The following DNAJC1 variants were observed in gnomAD, a reference collection of about 807,000 sequenced individuals.
DNAJC1 encodes the protein DnaJ heat shock protein family (Hsp40) member C1, also known as dnaJ homolog subfamily C member 1.
A neutral mutation model predicts 76.6 loss-of-function variants in DNAJC1; 58 were observed. That is an observed-to-expected ratio of 0.76 (90% CI 0.61 to 0.94). DNAJC1 has a LOEUF of 0.94. Among genes scored for constraint, DNAJC1 ranks in the 40% least tolerant of loss-of-function variants. The pLI is 0.00. For missense variants in DNAJC1, 689 were observed against 677.3 expected (o/e 1.02, Z -0.19); for synonymous variants, 258 against 267.9 (o/e 0.96, Z 0.36).
intron 1 of DNAJC1, among the ~76,000 whole-genome samples, chr10:21,982,320 A>G (rs892930212): frequency 2.0e-5 from 3 of 152,206 alleles, no homozygotes; most frequent in Admixed American, 1.3e-4. Flanking sequence ...TATATGGGAA[A>G]AAACTTCATG....
chr10:22,003,706 G>T lies in DNAJC1; in HGVS notation c.-272C>A. 2 of 352,114 alleles carry T rather than the reference G, an allele frequency of 5.7e-6. No individual in the cohort carries two copies. Among genetic ancestry groups the T allele is most frequent in the Non-Finnish European group, 1.0e-5 (2 of 198,026 alleles). 21.8% of individuals were successfully genotyped at this position (352,114 alleles called of 1,614,324 possible). A position where few individuals can be genotyped will look rare whatever the true frequency, so the allele number is the denominator to read the frequency against. ...AGGCCTACACACAGCTGTAGAGGCA[G>T]CGCCCGGCGCCTGGGCTGCACAGTG... On this transcript the variant is annotated 5_prime_UTR_variant, in exon 1 of 12. The change creates a new upstream start codon in the 5' untranslated region. Coordinates refer to ENST00000376980, the MANE Select transcript of DNAJC1 (RefSeq NM_022365.4).
intron 8 of DNAJC1, among the ~76,000 whole-genome samples, chr10:21,838,504 C>G (rs1304318135): frequency 1.3e-5 from 2 of 152,194 alleles, no homozygotes; most frequent in Non-Finnish European, 2.9e-5. Context: ...GCAGGGTCCT[C>G]TGCCTAGGAA....
intron 10 of DNAJC1, among the ~76,000 whole-genome samples, chr10:21,765,184 T>C (rs1170891022): frequency 1.3e-5 from 2 of 152,220 alleles, no homozygotes; most frequent in Non-Finnish European, 2.9e-5. Context: ...AATTTCCTCT[T>C]GCTAAAGCCT....
intron 7 of DNAJC1, 24 bp downstream of exon 7, chr10:21,904,498 A>C: frequency 7.2e-7 from 1 of 1,392,294 alleles, no homozygotes; most frequent in South Asian, 1.4e-5. Context: ...TGACATTGTT[A>C]AAACACTAAT....
At chr10:21,882,591 C>A (rs958416682) in intron 7 of DNAJC1, 152 bp from the exon 8 acceptor site, 1 of 548,622 alleles carries the variant, frequency 1.8e-6, no homozygotes, top group East Asian at 3.5e-5. Context: ...TGTACATAAA[C>A]CATTGCATTG....
intron 8 of DNAJC1, among the ~76,000 whole-genome samples, chr10:21,825,318 C>G (rs1236450144): frequency 1.3e-5 from 2 of 152,144 alleles, no homozygotes; most frequent in Non-Finnish European, 2.9e-5. Context: ...ATCATGTGGC[C>G]CTTTGCTTCT....
chr10:21,963,843 CTTTT>C (rs1469243601), intron 1 of DNAJC1, among the ~76,000 whole-genome samples: 1 of 151,922 alleles, frequency 6.6e-6, no homozygotes, highest in Non-Finnish European at 1.5e-5. Context: ...GGTCTTTTTG[CTTTT>C]TTGTTTCTAT....
At chr10:21,905,481 A>G (rs1361904033) in intron 6 of DNAJC1, among the ~76,000 whole-genome samples, 1 of 152,108 alleles carries the variant, frequency 6.6e-6, no homozygotes, top group Non-Finnish European at 1.5e-5. Flanking sequence ...TCTGGCTACA[A>G]TATTGTACTT....
chr10:21,829,217 TTTTG>T (rs1417597505), intron 8 of DNAJC1, among the ~76,000 whole-genome samples: 1 of 151,252 alleles, frequency 6.6e-6, no homozygotes, highest in Admixed American at 6.6e-5. Flanking sequence ...TGTTGTTCGT[TTTTG>T]TTTTTTTTTT....
chr10:21,984,394 C>G (rs879525155), intron 1 of DNAJC1, among the ~76,000 whole-genome samples: 42 of 152,192 alleles, frequency 2.8e-4, no homozygotes, highest in African/African-American at 9.9e-4. Flanking sequence ...TTCTGAAGGT[C>G]ACTTCAAGTT....
At chr10:21,884,445 A>T (rs1466843251) in intron 7 of DNAJC1, among the ~76,000 whole-genome samples, 1 of 152,198 alleles carries the variant, frequency 6.6e-6, no homozygotes, top group African/African-American at 2.4e-5. Context: ...GCTACTTCTA[A>T]ATTGGTGGAG....
intron 1 of DNAJC1, among the ~76,000 whole-genome samples, chr10:21,969,688 G>A (rs993366849): frequency 1.3e-5 from 2 of 152,172 alleles, no homozygotes; most frequent in Non-Finnish European, 2.9e-5. Context: ...AGCATTGGCA[G>A]TATGTTTTCT....
chr10:21,993,424 A>G (rs1160492969), intron 1 of DNAJC1, among the ~76,000 whole-genome samples: 2 of 152,218 alleles, frequency 1.3e-5, no homozygotes, highest in Non-Finnish European at 2.9e-5. Context: ...GCATGCTTGC[A>G]GCACACCAAT....
intron 1 of DNAJC1, among the ~76,000 whole-genome samples, chr10:21,955,220 T>C (rs990199381): frequency 6.6e-6 from 1 of 152,212 alleles, no homozygotes; most frequent in Non-Finnish European, 1.5e-5. Flanking sequence ...TGATAAACAA[T>C]TTACCTGAAA....
chr10:21,934,229 A>AC (rs1837274793), intron 1 of DNAJC1, among the ~76,000 whole-genome samples: 1 of 151,850 alleles, frequency 6.6e-6, no homozygotes, highest in South Asian at 2.1e-4. Context: ...AAAAAAAAAA[A>AC]ACTAAATAAT....
At chr10:21,854,337 A>G (rs1301948387) in intron 8 of DNAJC1, among the ~76,000 whole-genome samples, 1 of 142,662 alleles carries the variant, frequency 7.0e-6, no homozygotes, top group Non-Finnish European at 1.5e-5. Context: ...TATCAGATAC[A>G]AATGTGGATC....
intron 8 of DNAJC1, among the ~76,000 whole-genome samples, chr10:21,862,421 T>C (rs1340447406): frequency 1.3e-5 from 2 of 150,330 alleles, no homozygotes; most frequent in African/African-American, 5.0e-5. Context: ...TACCATCTGT[T>C]ACTACATTTT....
chr10:21,871,030 GTTTA>G (rs2131708752), intron 8 of DNAJC1, among the ~76,000 whole-genome samples: 1 of 152,146 alleles, frequency 6.6e-6, no homozygotes, highest in African/African-American at 2.4e-5. Flanking sequence ...TGGAAGACAG[GTTTA>G]AAAGGCTTGT....
rs1467841940 is a variant in DNAJC1, at chr10:21,813,210, CTCTCTCTCTCTATATA to C, written c.979-7127_979-7112del. Reference sequence around the variant, plus strand: ...TCTCTCTCTCTCTCTCTCTCTCTCTCTCTCTCTCTCTATATATATATATATATATATATACACATAC... The same window carrying C: ...TCTCTCTCTCTCTCTCTCTCTCTCTCTATATATATATATATATACACATAC... On this transcript the variant is annotated intron_variant, in intron 8 of 11. Coordinates refer to ENST00000376980, the MANE Select transcript of DNAJC1 (RefSeq NM_022365.4). Among the ~76,000 whole-genome samples the C allele has an allele frequency of 1.3e-4, 8 of 61,448 alleles. No homozygotes were observed. In the East Asian group the frequency reaches 1.9e-3, roughly 15 times the overall value. 40.3% of individuals were successfully genotyped at this position (61,448 alleles called of 152,430 possible).
Sources: gnomAD v4.1 joint callset for allele counts (sites outside exome capture counted in the v4.1 genomes callset) on GRCh38, gnomAD v4.1.1 for gene constraint, MANE v1.5 for transcripts, NCBI Gene and HGNC (gene_info 2026-07-23, HGNC 2026-07-21) for gene names.